The following PCDHA5 variants were observed in gnomAD, a reference collection of about 807,000 sequenced individuals.
The protein encoded by PCDHA5 is protocadherin alpha-5.
A neutral mutation model predicts 61.6 loss-of-function variants in PCDHA5; 43 were observed. That is an observed-to-expected ratio of 0.70 (90% CI 0.55 to 0.90). PCDHA5 has a LOEUF of 0.90. Ranked by LOEUF, PCDHA5 falls within the 40% of genes least tolerant of loss-of-function variation. The pLI is 0.00. For missense variants in PCDHA5, 1,298 were observed against 1,222.7 expected (o/e 1.06, Z -0.92); for synonymous variants, 627 against 543.9 (o/e 1.15, Z -2.13).
chr5:140,971,263 C>T (rs1554233162), intron 1 of PCDHA5, among the ~76,000 whole-genome samples: 1 of 152,186 alleles, frequency 6.6e-6, no homozygotes, highest in African/African-American at 2.4e-5. Flanking sequence ...CTATTTCTGT[C>T]TTACACTGAC....
intron 1 of PCDHA5, among the ~76,000 whole-genome samples, chr5:140,932,798 T>C (rs2153613163): frequency 6.6e-6 from 1 of 151,958 alleles, no homozygotes; most frequent in Middle Eastern, 3.4e-3. Flanking sequence ...AGAAAAGCAA[T>C]ACCTTGGAAA....
intron 1 of PCDHA5, among the ~76,000 whole-genome samples, chr5:140,874,484 G>A (rs1438670057): frequency 6.6e-6 from 1 of 152,190 alleles, no homozygotes; most frequent in African/African-American, 2.4e-5. Context: ...AAAGCAAAAG[G>A]TTGATATCAA....
chr5:140,833,353 G>C (rs891169928), intron 1 of PCDHA5, among the ~76,000 whole-genome samples: 3 of 152,096 alleles, frequency 2.0e-5, no homozygotes, highest in African/African-American at 4.8e-5. Flanking sequence ...TCCAGAAAAC[G>C]AACACAGTAA....
chr5:140,900,651 A>G (rs1386674800), intron 1 of PCDHA5, among the ~76,000 whole-genome samples: 3 of 152,232 alleles, frequency 2.0e-5, no homozygotes, highest in African/African-American at 7.2e-5. Flanking sequence ...ACACTGCTGC[A>G]ATGAACAATG....
intron 1 of PCDHA5, chr5:140,966,707 A>G (rs539562297): frequency 7.2e-7 from 1 of 1,379,868 alleles, no homozygotes; most frequent in Admixed American, 3.5e-5. Context: ...GGCGTGGGGC[A>G]CGGCTGGGGA....
intron 1 of PCDHA5, among the ~76,000 whole-genome samples, chr5:140,916,064 T>G (rs1282899200): frequency 1.3e-5 from 2 of 152,156 alleles, no homozygotes; most frequent in African/African-American, 4.8e-5. Flanking sequence ...CCTCTCCCTG[T>G]GGCCAGTACT....
chr5:140,828,244 C>T (rs1769643037), intron 1 of PCDHA5: 3 of 1,613,960 alleles, frequency 1.9e-6, no homozygotes, highest in East Asian at 2.2e-5. Context: ...TCGCGCAGGA[C>T]CTGGGGCTGG....
In PCDHA5 at chr5:140,843,187, C is replaced by T. The variant is rs2150354856; in HGVS notation, c.2352+19060C>T. ...CTGCAAGCAGCCCTCGCATCCCGTT[C>T]CGCGTGGGGCTGTACACGGGCGAGA... is the stretch of plus-strand genomic sequence containing the variant. On this transcript the variant is annotated intron_variant, in intron 1 of 3. Transcript: ENST00000529859. 32 of 1,595,934 alleles carry T rather than the reference C, an allele frequency of 2.0e-5. 2 individuals carry two copies. The East Asian group carries it at 2.0e-4, about 10-fold the overall frequency.
At chr5:140,843,447 G>A (rs373780721) in intron 1 of PCDHA5, 12 of 1,596,056 alleles carry the variant, frequency 7.5e-6, no homozygotes, top group Non-Finnish European at 1.0e-5. Flanking sequence ...GCGGTATCCA[G>A]CCTGCTGGTG....
intron 1 of PCDHA5, chr5:140,836,792 G>T (rs2150269946): frequency 7.1e-7 from 1 of 1,416,460 alleles, no homozygotes; most frequent in Non-Finnish European, 9.6e-7. Context: ...AGTTCAATTG[G>T]TCTCCTTAAA....
At chr5:140,925,052 A>G (rs1221049582) in intron 1 of PCDHA5, among the ~76,000 whole-genome samples, 1 of 151,720 alleles carries the variant, frequency 6.6e-6, no homozygotes, top group African/African-American at 2.4e-5. Context: ...TTGAGACCAG[A>G]CTGGGCAACA....
intron 1 of PCDHA5, among the ~76,000 whole-genome samples, chr5:140,884,893 G>T (rs1186873075): frequency 1.3e-5 from 2 of 152,138 alleles, no homozygotes; most frequent in East Asian, 1.9e-4. Context: ...AGAATATTTT[G>T]TTTCTGTTGT....
intron 3 of PCDHA5, among the ~76,000 whole-genome samples, chr5:141,003,070 G>A (rs1588007737): frequency 6.6e-6 from 1 of 152,232 alleles, no homozygotes; most frequent in South Asian, 2.1e-4. Flanking sequence ...AAATGCAGAT[G>A]AGGGTGAGTT....
At chr5:140,966,542 G>C (rs926112867) in intron 1 of PCDHA5, 4 of 464,302 alleles carry the variant, frequency 8.6e-6, no homozygotes, top group Non-Finnish European at 1.5e-5. Flanking sequence ...GAGCGACTCG[G>C]AGGCGAGCGG....
At chr5:140,883,398 G>A (rs1421475221) in intron 1 of PCDHA5, 1 of 1,614,166 alleles carries the variant, frequency 6.2e-7, no homozygotes, top group Non-Finnish European at 8.5e-7. Flanking sequence ...GTGTCCGATC[G>A]TGACTCTGGC....
rs2150283763 is a variant in PCDHA5 at position 140,838,077 on chromosome 5, AGTGTGTGTGTGTGTGTGT to A, written c.2352+13987_2352+14004del. On this transcript the variant is annotated intron_variant, in intron 1 of 3. Coordinates refer to ENST00000529859, the MANE Select transcript of PCDHA5 (RefSeq NM_018908.3). ...TTTCCACTTTAAGTTATATATATAT[AGTGTGTGTGTGTGTGTGT>A]GTGTGTGTGTGTGTGTGTGTGTGTG... Among the ~76,000 whole-genome samples the A allele has an allele frequency of 8.8e-4, 71 of 80,700 alleles. No individual in the cohort carries two copies. The South Asian group carries it at 0.01, about 12-fold the overall frequency. The allele number at this position is 80,700 out of a possible 152,430, so 52.9% of individuals were successfully genotyped here. A position where few individuals can be genotyped will look rare whatever the true frequency, so the allele number is the denominator to read the frequency against.
At position 140,841,259 on chromosome 5, in the gene PCDHA5, G is replaced by T. The variant is rs1777115854; in HGVS notation, c.2352+17132G>T. 3.3e-6 allele frequency: 5 copies of T among 1,517,592 alleles called. No homozygotes were observed. In the South Asian group the frequency reaches 6.6e-5, roughly 20 times the overall value. 94.0% of individuals were successfully genotyped at this position (1,517,592 alleles called of 1,614,324 possible). ...CAGCGGAATTGGATTAAAAGACTCT[G>T]AAAGTACAGTCGTTCATCTTTATAT... On this transcript the variant is annotated intron_variant, in intron 1 of 3. Transcript: ENST00000529859.
chr5:141,000,912 A>G (rs1434885581), intron 3 of PCDHA5, among the ~76,000 whole-genome samples: 1 of 152,194 alleles, frequency 6.6e-6, no homozygotes, highest in East Asian at 1.9e-4. Context: ...TGTCTCTAAA[A>G]AAAAAAATCC....
chr5:140,969,292 C>G, intron 1 of PCDHA5: 2 of 1,614,208 alleles, frequency 1.2e-6, no homozygotes, highest in Non-Finnish European at 1.7e-6. Context: ...ATGCTGGGAA[C>G]CTGATTATTC....
Sources: allele counts gnomAD v4.1 joint callset (sites outside exome capture counted in the v4.1 genomes callset), GRCh38; gene constraint gnomAD v4.1.1; transcripts MANE v1.5; gene names NCBI Gene and HGNC (gene_info 2026-07-23, HGNC 2026-07-21).